Variants in DNMT3A observed in about 807,000 individuals in gnomAD.
DNMT3A encodes the protein DNA methyltransferase 3 alpha.
Under a neutral mutation model 117.6 loss-of-function variants are expected in DNMT3A, and 267 were observed. That is an observed-to-expected ratio of 2.27 (90% CI 2.05 to 2.51). DNMT3A has a LOEUF of 2.51. DNMT3A is among the 30% of genes most tolerant of loss of function. The pLI, the probability that DNMT3A is intolerant of heterozygous loss-of-function variation, is 0.00. For missense variants in DNMT3A, 1,029 were observed against 1,260.2 expected, an observed-to-expected ratio of 0.82 and a Z score of 2.78; for synonymous variants, 432 against 474.8, an observed-to-expected ratio of 0.91 and a Z score of 1.17.
At chr2:25,243,345 G>C (rs1003489692) in intron 16 of DNMT3A, among the ~76,000 whole-genome samples, 2 of 150,834 alleles carry the variant, frequency 1.3e-5, no homozygotes, top group African/African-American at 4.9e-5. Flanking sequence ...ACATGAAAAA[G>C]CAATCATAAT....
chr2:25,245,188 A>G, intron 13 of DNMT3A, 65 bp downstream of exon 13: 1 of 1,494,332 alleles, frequency 6.7e-7, no homozygotes, highest in Non-Finnish European at 9.3e-7. Flanking sequence ...AGCGGTGGAC[A>G]CAGTCAGCCA....
chr2:25,319,310 G>A (rs1486406212), intron 1 of DNMT3A, among the ~76,000 whole-genome samples: 20 of 152,054 alleles, frequency 1.3e-4, no homozygotes, highest in Admixed American at 1.0e-3. Context: ...CACCACGCCC[G>A]GGGTCTTTTT....
At chr2:25,287,210 T>A (rs1164431504) in intron 3 of DNMT3A, among the ~76,000 whole-genome samples, 6 of 150,776 alleles carry the variant, frequency 4.0e-5, no homozygotes, top group Non-Finnish European at 8.8e-5. Context: ...GAGGGCTGGG[T>A]TGGGGGTGCC....
chr2:25,331,448 T>C (rs1319880935), intron 1 of DNMT3A, among the ~76,000 whole-genome samples: 1 of 152,194 alleles, frequency 6.6e-6, no homozygotes, highest in Non-Finnish European at 1.5e-5. Context: ...CCTATCTCTC[T>C]CCGCAGACCT....
In DNMT3A at chr2:25,230,240, C is replaced by A. The variant is rs1053600348; in HGVS notation, c.*4039G>T. On this transcript the variant is annotated 3_prime_UTR_variant, in exon 23 of 23. Coordinates refer to ENST00000321117, the MANE Select transcript of DNMT3A (RefSeq NM_022552.5). ...GCAGACCCCTGCTAGTGCCCGCCTG[C>A]GGCCCCCCAGTCTGCCGGTGCACCA... 6.6e-6 allele frequency: 1 copy of A among 152,338 alleles called. No homozygotes were observed. The highest frequency in any genetic ancestry group is 1.5e-5 in the Non-Finnish European group (1 of 68,112). The allele number at this position is 152,338 out of a possible 1,614,324, so 9.4% of individuals were successfully genotyped here.
intron 1 of DNMT3A, among the ~76,000 whole-genome samples, chr2:25,326,143 TG>T (rs2034781362): frequency 6.7e-6 from 1 of 149,326 alleles, no homozygotes; most frequent in Non-Finnish European, 1.5e-5. Flanking sequence ...TGTGTGTGTG[TG>T]TGTGTGTGGT....
intron 15 of DNMT3A, 72 bp downstream of exon 15, chr2:25,244,083 C>T (rs186862397): frequency 9.0e-5 from 145 of 1,602,558 alleles, no homozygotes; most frequent in South Asian, 3.6e-4. Context: ...ACACACCCTG[C>T]GCACAGCTCA....
intron 1 of DNMT3A, among the ~76,000 whole-genome samples, chr2:25,332,694 C>T (rs552892780): frequency 1.3e-5 from 2 of 152,348 alleles, no homozygotes; most frequent in East Asian, 1.9e-4. Flanking sequence ...CAGAAGAAAA[C>T]GCAGAGGTGA....
chr2:25,317,353 C>T (rs2149433468), intron 1 of DNMT3A, among the ~76,000 whole-genome samples: 1 of 152,040 alleles, frequency 6.6e-6, no homozygotes, highest in South Asian at 2.1e-4. Flanking sequence ...TGAGCCACCA[C>T]ACCTGGCCAA....
At chr2:25,314,504 A>G in intron 1 of DNMT3A, 1 of 984,680 alleles carries the variant, frequency 1.0e-6, no homozygotes, top group South Asian at 4.7e-5. Flanking sequence ...TCCCACCCCA[A>G]CCAGCCCCTG....
At position 25,323,284 on chromosome 2, in the gene DNMT3A, G is replaced by A. The variant is rs554416806; in HGVS notation, c.-177-9123C>T. 4.6e-5 allele frequency among the ~76,000 whole-genome samples: 7 copies of A among 152,300 alleles called. No homozygotes were observed. In the East Asian group the frequency reaches 1.2e-3, roughly 25 times the overall value. ...AGAGATGAAGACAGAGGGATAAAGC[G>A]TTGTAGTCACTGTCTGGGCCCCTGG... On this transcript the variant is annotated intron_variant, in intron 1 of 22. Transcript: ENST00000321117.
chr2:25,276,045 A>G (rs2031384191), intron 4 of DNMT3A, among the ~76,000 whole-genome samples: 1 of 152,058 alleles, frequency 6.6e-6, no homozygotes. Flanking sequence ...AAGGGCATGT[A>G]CTGGGGGGCG....
rs2031991088 is a variant in DNMT3A, at chr2:25,282,859, C to T, written c.178-148G>A. 6 of 1,040,982 alleles carry T rather than the reference C, an allele frequency of 5.8e-6. No homozygotes were observed. Among genetic ancestry groups the T allele is most frequent in the Non-Finnish European group, 7.9e-6 (6 of 763,360 alleles). 64.5% of individuals were successfully genotyped at this position (1,040,982 alleles called of 1,614,324 possible). ...ATATAAACCTTCATGCAAACAGATA[C>T]ATTCACAATTTTGCTTTCAACATCA... is the stretch of plus-strand genomic sequence containing the variant. On this transcript the variant is annotated intron_variant, in intron 3 of 22. Transcript: ENST00000321117. This position sits in a 1 kb window ranked among gnomAD's most constrained non-coding sequence, Gnocchi z 5.2.
At chr2:25,255,235 A>T (rs1676009633) in intron 6 of DNMT3A, among the ~76,000 whole-genome samples, 1 of 152,246 alleles carries the variant, frequency 6.6e-6, no homozygotes, top group Admixed American at 6.5e-5. Context: ...AGTAAAAGGA[A>T]AAATCCCCTT....
Position 25,315,885 on chromosome 2 carries a change from A to G in DNMT3A, c.-177-1724T>C, listed in dbSNP as rs556046879. On this transcript the variant is annotated intron_variant, in intron 1 of 22. Transcript: ENST00000321117. Reference sequence around the variant, plus strand: ...CACAGACATCTCCAGCCACACTAAAACAAAAACCTTCGAAAGGGTCAGAAG... The same window carrying G: ...CACAGACATCTCCAGCCACACTAAAGCAAAAACCTTCGAAAGGGTCAGAAG... 2.2e-4 allele frequency among the ~76,000 whole-genome samples: 33 copies of G among 152,338 alleles called. No individual in the cohort carries two copies. The Middle Eastern group carries it at 0.024, about 110-fold the overall frequency.
At chr2:25,235,962 G>A in intron 21 of DNMT3A, 137 bp from the exon 22 acceptor site, 1 of 748,738 alleles carries the variant, frequency 1.3e-6, no homozygotes, top group East Asian at 2.6e-5. Flanking sequence ...GTATGGCTCT[G>A]AGTGAGCAGA....
intron 22 of DNMT3A, among the ~76,000 whole-genome samples, chr2:25,235,369 G>C (rs1009925577): frequency 3.3e-5 from 5 of 152,068 alleles, no homozygotes; most frequent in Admixed American, 2.6e-4. Context: ...ATTTTTAGTA[G>C]AGACGGGGTT....
chr2:25,268,660 T>G (rs933027917), intron 6 of DNMT3A, among the ~76,000 whole-genome samples: 2 of 152,158 alleles, frequency 1.3e-5, no homozygotes, highest in Non-Finnish European at 2.9e-5. Context: ...AAGGTTCTCC[T>G]CAGCTCAGAA....
chr2:25,239,204 CA>C lies in DNMT3A; in HGVS notation c.2333del (p.Val778GlyfsTer2). ...DISRFLESNP[V>X]MIDAKEVSAA... ...CTGACACTTCTTTGGCATCAATCAT[CA>C]CAGGGTTGGACTACAAAACAGGAGA... is the stretch of plus-strand genomic sequence containing the variant. On this transcript the variant is annotated frameshift_variant, in exon 20 of 23. Coordinates refer to ENST00000321117, the MANE Select transcript of DNMT3A (RefSeq NM_022552.5). LOFTEE classifies it high-confidence loss of function. The C allele has an allele frequency of 6.2e-7, 1 of 1,613,936 alleles. No individual in the cohort carries two copies. Among genetic ancestry groups the C allele is most frequent in the Non-Finnish European group, 8.5e-7 (1 of 1,179,882 alleles).
Sources: gnomAD v4.1 joint callset for allele counts (sites outside exome capture counted in the v4.1 genomes callset) on GRCh38, gnomAD v4.1.1 for gene constraint, Gnocchi (gnomAD v3.1) non-coding constraint, MANE v1.5 for transcripts, NCBI Gene and HGNC (gene_info 2026-07-23, HGNC 2026-07-21) for gene names.